The following OPTN variants were observed in gnomAD, a reference collection of about 807,000 sequenced individuals.
OPTN encodes the protein optineurin, also known as E3-14.7K-interacting protein.
In OPTN, 54 loss-of-function variants were observed where a neutral mutation model predicts 70.4. The observed-to-expected ratio is 0.77, with a 90% CI of 0.62 to 0.96. The LOEUF is 0.96. Among genes scored for constraint, OPTN ranks in the 40% least tolerant of loss-of-function variants. OPTN has a pLI of 0.00. For synonymous variants in OPTN, 256 were observed against 248.5 expected (o/e 1.03, Z -0.28); for missense variants, 624 against 673.2 (o/e 0.93, Z 0.81).
intron 12 of OPTN, among the ~76,000 whole-genome samples, chr10:13,130,107 A>G (rs138820044): frequency 3.3e-5 from 5 of 152,252 alleles, no homozygotes; most frequent in African/African-American, 9.6e-5. Context: ...CATTCATTCA[A>G]TAACTTCTTT....
chr10:13,136,080 A>T (rs1231637955), intron 14 of OPTN, among the ~76,000 whole-genome samples: 1 of 152,164 alleles, frequency 6.6e-6, no homozygotes, highest in African/African-American at 2.4e-5. Context: ...GCAGCTATTC[A>T]GGAGGCCGAG....
chr10:13,111,887 G>C (rs1227918523), intron 4 of OPTN, among the ~76,000 whole-genome samples: 13 of 102,020 alleles, frequency 1.3e-4, no homozygotes, highest in African/African-American at 2.7e-4. Flanking sequence ...TTGCTCTGTT[G>C]CCCAGGCTGG....
intron 1 of OPTN, among the ~76,000 whole-genome samples, chr10:13,107,073 A>T (rs940678226): frequency 6.6e-6 from 1 of 152,078 alleles, no homozygotes; most frequent in Non-Finnish European, 1.5e-5. Context: ...GGATAGATGG[A>T]TTTTAAATTA....
In OPTN at chr10:13,124,001, A is replaced by G; in HGVS notation, c.889A>G (p.Ser297Gly). The G allele has an allele frequency of 6.2e-7, 1 of 1,612,146 alleles. No homozygotes were observed. The highest frequency in any genetic ancestry group is 1.1e-5 in the South Asian group (1 of 91,000). ...DEEKGPETVG[S>G]EVEALNLQVT... The stretch of plus-strand genomic sequence containing the variant: ...GGGATTTCCCGTATGATAGGTTGGA[A>G]GCGAAGTGGAAGCACTGAACCTCCA... The change falls in exon 9 of 15, where the codon AGC becomes GGC. Residue 297 changes from serine to glycine, a missense_variant. Coordinates refer to ENST00000378747, the MANE Select transcript of OPTN (RefSeq NM_001008212.2).
intron 7 of OPTN, among the ~76,000 whole-genome samples, chr10:13,120,341 C>A (rs1309206606): frequency 1.3e-5 from 2 of 152,108 alleles, no homozygotes; most frequent in African/African-American, 4.8e-5. Flanking sequence ...TTGATGGTAT[C>A]ATTTGCAGCA....
intron 1 of OPTN, among the ~76,000 whole-genome samples, 173 bp downstream of exon 1, chr10:13,100,475 G>A (rs1035391331): frequency 6.6e-6 from 1 of 152,228 alleles, no homozygotes; most frequent in Non-Finnish European, 1.5e-5. Context: ...TGCCCTGGGA[G>A]GATCCCCAAG....
intron 1 of OPTN, among the ~76,000 whole-genome samples, chr10:13,101,501 A>T (rs1441008717): frequency 6.8e-6 from 1 of 147,892 alleles, no homozygotes; most frequent in East Asian, 2.0e-4. Context: ...GTAGAGGCGC[A>T]TAAGTATTCT....
At chr10:13,111,989 A>T (rs1390284847) in intron 4 of OPTN, among the ~76,000 whole-genome samples, 2 of 150,818 alleles carry the variant, frequency 1.3e-5, no homozygotes, top group African/African-American at 4.9e-5. Flanking sequence ...CTGGGACTAC[A>T]GGCGCCCGCC....
chr10:13,115,457 T>A (rs551543835), intron 5 of OPTN, among the ~76,000 whole-genome samples: 1,429 of 100,700 alleles, frequency 0.014, 95 homozygotes, highest in African/African-American at 0.064. Flanking sequence ...ATATTCTATA[T>A]TATATAATAT....
In OPTN at chr10:13,137,011, G is replaced by A; in HGVS notation, c.*145G>A. Reference sequence around the variant, plus strand: ...AGAAAGAAAACAGGCCGGGCACAGTGGCTCATGCCTGTAATCCCAGCACTT... The same window carrying A: ...AGAAAGAAAACAGGCCGGGCACAGTAGCTCATGCCTGTAATCCCAGCACTT... On this transcript the variant is annotated 3_prime_UTR_variant, in exon 15 of 15. Transcript: ENST00000378747. 1 of 1,047,914 alleles carries A rather than the reference G, an allele frequency of 9.5e-7. No individual in the cohort carries two copies. The highest frequency in any genetic ancestry group is 1.3e-5 in the South Asian group (1 of 76,564). 64.9% of individuals were successfully genotyped at this position (1,047,914 alleles called of 1,614,324 possible). A position where few individuals can be genotyped will look rare whatever the true frequency, so the allele number is the denominator to read the frequency against.
intron 1 of OPTN, among the ~76,000 whole-genome samples, chr10:13,106,616 G>A (rs1012052655): frequency 6.6e-6 from 1 of 152,200 alleles, no homozygotes; most frequent in African/African-American, 2.4e-5. Flanking sequence ...GGGTGTGGTA[G>A]GTAGCTCTGT....
chr10:13,111,630 G>A (rs1833000463), intron 4 of OPTN, among the ~76,000 whole-genome samples: 1 of 151,944 alleles, frequency 6.6e-6, no homozygotes, highest in South Asian at 2.1e-4. Flanking sequence ...CCCGAGAGGT[G>A]GAGGATGCAG....
chr10:13,118,817 A>T (rs1833277234), intron 6 of OPTN, 71 bp from the exon 7 acceptor site: 1 of 1,314,618 alleles, frequency 7.6e-7, no homozygotes, highest in Admixed American at 1.7e-5. Context: ...GGTCCCAGTT[A>T]TATTGGGTTA....
intron 12 of OPTN, among the ~76,000 whole-genome samples, chr10:13,129,563 T>C (rs949693667): frequency 3.6e-5 from 5 of 139,036 alleles, no homozygotes; most frequent in African/African-American, 1.3e-4. Context: ...ACGTTAGCCA[T>C]GGTGGTCTCG....
chr10:13,117,301 C>G (rs894219620), intron 6 of OPTN, among the ~76,000 whole-genome samples: 1 of 151,686 alleles, frequency 6.6e-6, no homozygotes, highest in African/African-American at 2.4e-5. Context: ...AGGATGGTCT[C>G]GATCTCCTGA....
chr10:13,104,261 T>C (rs972737754), intron 1 of OPTN, among the ~76,000 whole-genome samples: 40 of 134,212 alleles, frequency 3.0e-4, no homozygotes, highest in Middle Eastern at 7.4e-3. Flanking sequence ...TTTCTTTTTT[T>C]TTTTTTTTTT....
chr10:13,102,713 T>G (rs1832776028), intron 1 of OPTN, among the ~76,000 whole-genome samples: 1 of 151,942 alleles, frequency 6.6e-6, no homozygotes, highest in African/African-American at 2.4e-5. Context: ...GAGGCCGAGG[T>G]GGGTGGATCA....
intron 3 of OPTN, 89 bp downstream of exon 3, chr10:13,109,377 C>A (rs776243322): frequency 1.6e-4 from 214 of 1,354,006 alleles, no homozygotes; most frequent in Non-Finnish European, 2.1e-4. Flanking sequence ...GGTGAGCTCC[C>A]TTCTCCCCGT....
chr10:13,131,504 T>G (rs1833593202), intron 12 of OPTN: 1 of 153,998 alleles, frequency 6.5e-6, no homozygotes, highest in Admixed American at 6.4e-5. Flanking sequence ...TTAACAAATT[T>G]TCCCAAGATT....
Sources: gnomAD v4.1 joint callset for allele counts (sites outside exome capture counted in the v4.1 genomes callset) on GRCh38, gnomAD v4.1.1 for gene constraint, MANE v1.5 for transcripts, NCBI Gene and HGNC (gene_info 2026-07-23, HGNC 2026-07-21) for gene names.